Variants in NELL2 observed in about 807,000 individuals in gnomAD.
NELL2 encodes the protein neural EGFL like 2, also known as protein kinase C-binding protein NELL2.
In NELL2, 41 loss-of-function variants were observed where a neutral mutation model predicts 109.6. The observed-to-expected ratio is 0.37, with a 90% confidence interval of 0.29 to 0.49. NELL2 has a LOEUF of 0.49. NELL2 is among the 20% of genes least tolerant of loss of function. The probability of loss-of-function intolerance (pLI) is 0.98; values close to 1 mark genes in which losing one functional copy is unlikely to be tolerated. For missense variants in NELL2, 900 were observed against 1,008.3 expected (o/e 0.89, Z 1.45); for synonymous variants, 355 against 344.7 (o/e 1.03, Z -0.33).
At chr12:44,885,998 AT>A (rs1179874539) in intron 1 of NELL2, among the ~76,000 whole-genome samples, 1 of 151,722 alleles carries the variant, frequency 6.6e-6, no homozygotes, top group Non-Finnish European at 1.5e-5. Context: ...TGGTTAATTG[AT>A]TTTTTACAAA....
chr12:44,876,995 T>C (rs1945347641), upstream of NELL2: 2 of 744,538 alleles, frequency 2.7e-6, no homozygotes, highest in South Asian at 4.5e-5. Flanking sequence ...CAGGAGGTGC[T>C]GGACAGCTCC....
chr12:44,857,712 G>T (rs190579205), intron 2 of NELL2, among the ~76,000 whole-genome samples: 29 of 152,306 alleles, frequency 1.9e-4, no homozygotes, highest in African/African-American at 7.0e-4. Context: ...GTAGAGAGGA[G>T]CTATGCCCTG....
rs533466429 is a variant in NELL2, at chr12:44,523,119, T to C, written c.1998+172A>G. ...CTGGATCTAAGGTTGTGGGACTAAC[T>C]AGGAAAGAACATAGGCAACATTTGG... On this transcript the variant is annotated intron_variant, in intron 17 of 19. Coordinates refer to ENST00000429094, the MANE Select transcript of NELL2 (RefSeq NM_001145108.2). 926 of 690,886 alleles carry C rather than the reference T, an allele frequency of 1.3e-3. 2 individuals are homozygous for C. The highest frequency in any genetic ancestry group is 1.8e-3 in the Non-Finnish European group (758 of 415,540). The allele number at this position is 690,886 out of a possible 1,614,324, so 42.8% of individuals were successfully genotyped here. A position where few individuals can be genotyped will look rare whatever the true frequency, so the allele number is the denominator to read the frequency against.
At chr12:44,753,128 A>C (rs1940729319) in intron 9 of NELL2, among the ~76,000 whole-genome samples, 1 of 152,092 alleles carries the variant, frequency 6.6e-6, no homozygotes, top group Non-Finnish European at 1.5e-5. Context: ...CGGCTCCTTC[A>C]CTTAATTCAG....
chr12:44,917,397 T>C (rs1287835729), upstream of NELL2, among the ~76,000 whole-genome samples: 2 of 152,186 alleles, frequency 1.3e-5, no homozygotes, highest in Admixed American at 6.5e-5. Flanking sequence ...TTAGTTTCCA[T>C]ATATGTAAGA....
intron 12 of NELL2, among the ~76,000 whole-genome samples, chr12:44,685,051 C>T (rs1057423930): frequency 2.1e-4 from 32 of 152,098 alleles, no homozygotes; most frequent in African/African-American, 7.7e-4. Context: ...GTGTGGGAGT[C>T]TAAGTCTCTT....
intron 3 of NELL2, among the ~76,000 whole-genome samples, chr12:44,783,286 A>G (rs112214788): frequency 0.018 from 2,808 of 151,804 alleles, 83 homozygotes; most frequent in African/African-American, 0.062. Flanking sequence ...AGAAAAGAAG[A>G]TAAGTCCCAA....
At chr12:44,706,293 A>T (rs1937874373) in intron 11 of NELL2, among the ~76,000 whole-genome samples, 1 of 152,186 alleles carries the variant, frequency 6.6e-6, no homozygotes, top group South Asian at 2.1e-4. Flanking sequence ...AGTTGATTGA[A>T]CCTACTGGTT....
At chr12:44,907,166 T>A (rs1945728632) in intron 1 of NELL2, among the ~76,000 whole-genome samples, 1 of 152,140 alleles carries the variant, frequency 6.6e-6, no homozygotes, top group Non-Finnish European at 1.5e-5. Flanking sequence ...TCCCCAGCCC[T>A]GCAGAACTAT....
chr12:44,749,480 T>C (rs1940547929), intron 9 of NELL2, among the ~76,000 whole-genome samples: 1 of 152,156 alleles, frequency 6.6e-6, no homozygotes, highest in African/African-American at 2.4e-5. Context: ...CAAAAATTAC[T>C]GCAGCACTGA....
Position 44,522,038 on chromosome 12 carries a change from C to T in NELL2, c.2137G>A (p.Asp713Asn), listed in dbSNP as rs778786045. The T allele has an allele frequency of 5.6e-6, 9 of 1,614,058 alleles. No individual in the cohort carries two copies. The highest frequency in any genetic ancestry group is 6.8e-6 in the Non-Finnish European group (8 of 1,180,026). ...QNGETLYNSG[D>N]TWVQNCQQCR... ...TGTTGACAATTCTGGACCCAGGTGT[C>T]ACCACTGTTATACAAAGTTTCCCCA... is the stretch of plus-strand genomic sequence containing the variant. Residue 713 changes from aspartate (D) to asparagine (N), a missense_variant, in exon 18 of 20, where the codon GAC becomes AAC. Asp to Asn is a conservative substitution (Grantham distance 23). Transcript: ENST00000429094.
chr12:44,913,770 T>C, intron 1 of NELL2: 1 of 811,098 alleles, frequency 1.2e-6, no homozygotes, highest in South Asian at 1.7e-5. Context: ...AGAGTTACCT[T>C]AAAATTAAAA....
At chr12:44,701,543 C>T (rs1288172099) in intron 12 of NELL2, among the ~76,000 whole-genome samples, 1 of 152,072 alleles carries the variant, frequency 6.6e-6, no homozygotes, top group East Asian at 1.9e-4. Context: ...TCTCTGGCCC[C>T]TTTCCTTAAC....
At chr12:44,831,091 T>A (rs1202479781) in intron 2 of NELL2, among the ~76,000 whole-genome samples, 1 of 151,952 alleles carries the variant, frequency 6.6e-6, no homozygotes, top group African/African-American at 2.4e-5. Flanking sequence ...CTCTTGAAGT[T>A]TTTCCCACCA....
intron 9 of NELL2, among the ~76,000 whole-genome samples, chr12:44,719,750 T>C (rs1182083318): frequency 6.6e-6 from 1 of 152,146 alleles, no homozygotes; most frequent in Non-Finnish European, 1.5e-5. Flanking sequence ...GAAATTTTGA[T>C]TCCCTTTGGG....
intron 12 of NELL2, among the ~76,000 whole-genome samples, chr12:44,672,528 T>A (rs1316387461): frequency 6.6e-6 from 1 of 152,216 alleles, no homozygotes; most frequent in Non-Finnish European, 1.5e-5. Context: ...GACTGGGGAC[T>A]ACTACCATAG....
chr12:44,689,076 T>C (rs1388138528), intron 12 of NELL2, among the ~76,000 whole-genome samples: 2 of 152,212 alleles, frequency 1.3e-5, no homozygotes, highest in African/African-American at 4.8e-5. Flanking sequence ...AATCTGAGGT[T>C]GCCCTTCAAA....
chr12:44,714,298 C>T (rs558074664), intron 10 of NELL2, among the ~76,000 whole-genome samples: 2 of 151,998 alleles, frequency 1.3e-5, no homozygotes, highest in South Asian at 4.1e-4. Context: ...CTGAGCAATA[C>T]TTCTCACATG....
intron 13 of NELL2, among the ~76,000 whole-genome samples, chr12:44,638,402 A>C (rs1592249511): frequency 1.3e-5 from 2 of 152,240 alleles, no homozygotes; most frequent in African/African-American, 4.8e-5. Flanking sequence ...AAAAGTCCTA[A>C]ATATACTAAC....
Sources: gnomAD v4.1 joint callset for allele counts (sites outside exome capture counted in the v4.1 genomes callset) on GRCh38, gnomAD v4.1.1 for gene constraint, MANE v1.5 for transcripts, NCBI Gene and HGNC (gene_info 2026-07-23, HGNC 2026-07-21) for gene names.